The following MCHR2 variants were observed in gnomAD, a reference collection of about 807,000 sequenced individuals.
MCHR2 encodes melanin-concentrating hormone receptor 2.
Under a neutral mutation model 24.8 loss-of-function variants are expected in MCHR2, and 15 were observed. That is an observed-to-expected ratio of 0.60 (90% confidence interval 0.40 to 0.93). The LOEUF (loss-of-function observed/expected upper bound fraction) is 0.93, where lower values mean the gene tolerates loss of function less well. MCHR2 is among the 40% of genes least tolerant of loss of function. MCHR2 has a pLI of 0.00. For missense variants in MCHR2, 386 were observed against 408.7 expected, an observed-to-expected ratio of 0.94 and a Z score of 0.48; for synonymous variants, 151 against 147.6, an observed-to-expected ratio of 1.02 and a Z score of -0.17.
intron 1 of MCHR2, among the ~76,000 whole-genome samples, chr6:99,968,152 G>A (rs1775328976): frequency 6.6e-6 from 1 of 152,094 alleles, no homozygotes; most frequent in Non-Finnish European, 1.5e-5. Flanking sequence ...TTAGTTTACT[G>A]GGGGTATGGA....
intron 1 of MCHR2, among the ~76,000 whole-genome samples, chr6:99,976,309 A>C (rs1428367840): frequency 6.6e-6 from 1 of 152,208 alleles, no homozygotes; most frequent in Non-Finnish European, 1.5e-5. Context: ...CTATAGCCTT[A>C]GGAAACTATG....
chr6:99,947,615 A>G, intron 3 of MCHR2, 147 bp downstream of exon 3: 1 of 642,812 alleles, frequency 1.6e-6, no homozygotes, highest in Admixed American at 3.1e-5. Flanking sequence ...GTTGAACAAA[A>G]TATTCTTAAG....
At chr6:99,982,596 A>G (rs1388822376) in intron 1 of MCHR2, among the ~76,000 whole-genome samples, 1 of 150,902 alleles carries the variant, frequency 6.6e-6, no homozygotes, top group East Asian at 2.0e-4. Flanking sequence ...CTGAGATTGC[A>G]CCACTGTACC....
At chr6:99,931,167 G>A (rs907331784) in intron 5 of MCHR2, among the ~76,000 whole-genome samples, 4 of 152,128 alleles carry the variant, frequency 2.6e-5, no homozygotes, top group African/African-American at 7.2e-5. Flanking sequence ...CGTGAACCGC[G>A]AATGCTGCTG....
intron 1 of MCHR2, among the ~76,000 whole-genome samples, chr6:99,968,883 C>T (rs912321517): frequency 2.0e-5 from 3 of 151,914 alleles, no homozygotes; most frequent in African/African-American, 7.3e-5. Flanking sequence ...ATCTATGGGC[C>T]AGATAAGTCT....
chr6:99,972,918 T>C (rs1775460717), intron 1 of MCHR2, among the ~76,000 whole-genome samples: 1 of 152,238 alleles, frequency 6.6e-6, no homozygotes, highest in Non-Finnish European at 1.5e-5. Context: ...TGCACTGTGG[T>C]CTGTGAGACA....
intron 3 of MCHR2, among the ~76,000 whole-genome samples, chr6:99,945,527 C>T (rs933706812): frequency 1.3e-5 from 2 of 152,134 alleles, no homozygotes; most frequent in African/African-American, 4.8e-5. Context: ...TTATTGGAAA[C>T]ACTTGAAATG....
At chr6:99,930,431 T>A (rs1216974451) in intron 5 of MCHR2, among the ~76,000 whole-genome samples, 2 of 152,190 alleles carry the variant, frequency 1.3e-5, no homozygotes, top group African/African-American at 2.4e-5. Flanking sequence ...TCCTGCAGAG[T>A]GTTTTCCAAC....
intron 1 of MCHR2, among the ~76,000 whole-genome samples, chr6:99,989,167 A>G (rs557550626): frequency 6.6e-6 from 1 of 152,334 alleles, no homozygotes; most frequent in Admixed American, 6.5e-5. Context: ...CAGAAGGATC[A>G]TTTGAGCCCA....
At chr6:99,958,034 C>T (rs1775100402) in intron 1 of MCHR2, among the ~76,000 whole-genome samples, 1 of 151,856 alleles carries the variant, frequency 6.6e-6, no homozygotes, top group African/African-American at 2.4e-5. Flanking sequence ...TAAATAAACT[C>T]TTGAAAAAAG....
intron 5 of MCHR2, among the ~76,000 whole-genome samples, chr6:99,929,093 A>G (rs926713201): frequency 4.6e-5 from 7 of 151,882 alleles, no homozygotes; most frequent in South Asian, 2.1e-4. Flanking sequence ...ATTTCGTTAT[A>G]TACCCAGTAG....
chr6:99,920,702 G>T lies in MCHR2; in HGVS notation c.*238C>A. 1 of 487,732 alleles carries T rather than the reference G, an allele frequency of 2.1e-6. No individual in the cohort carries two copies. Among genetic ancestry groups the T allele is most frequent in the Non-Finnish European group, 3.7e-6 (1 of 270,094 alleles). The allele number at this position is 487,732 out of a possible 1,614,324, so 30.2% of individuals were successfully genotyped here. ...CTGAAATAATATACACCATCATGAAGCCTGGGTATCTCAGACTATCCCATT... is the reference window on the plus strand; with the variant it reads ...CTGAAATAATATACACCATCATGAATCCTGGGTATCTCAGACTATCCCATT... On this transcript the variant is annotated 3_prime_UTR_variant, in exon 6 of 6. Transcript: ENST00000281806.
chr6:99,950,108 C>T (rs1774939789), intron 2 of MCHR2, among the ~76,000 whole-genome samples: 1 of 151,982 alleles, frequency 6.6e-6, no homozygotes, highest in Non-Finnish European at 1.5e-5. Context: ...GGGAACAGTG[C>T]AGGCCATTAA....
chr6:99,935,253 C>T (rs1281771976), intron 4 of MCHR2, among the ~76,000 whole-genome samples: 1 of 152,034 alleles, frequency 6.6e-6, no homozygotes, highest in East Asian at 1.9e-4. Flanking sequence ...TTGAAATGTA[C>T]AATAGGATAT....
At chr6:99,941,855 T>G (rs1223767930) in intron 4 of MCHR2, among the ~76,000 whole-genome samples, 3 of 152,150 alleles carry the variant, frequency 2.0e-5, no homozygotes, top group Admixed American at 1.3e-4. Context: ...TTTTTTTTTT[T>G]TAACTGGATT....
rs976417215 is a variant in MCHR2 at position 99,940,417 on chromosome 6, A to AT, written c.587+2531dup. ...AGCAAGTGTATTTCTCAGTTCCAAG[A>AT]TTTTTTTTAATTTTTAAAATTATTT... On this transcript the variant is annotated intron_variant, in intron 4 of 5. Coordinates refer to ENST00000281806, the MANE Select transcript of MCHR2 (RefSeq NM_001040179.2). Among the ~76,000 whole-genome samples, 12 of 151,704 alleles carry AT rather than the reference A, an allele frequency of 7.9e-5. No homozygotes were observed. The East Asian group carries it at 1.7e-3, about 22-fold the overall frequency.
chr6:99,992,625 G>C (rs1026397040), intron 1 of MCHR2, among the ~76,000 whole-genome samples: 1 of 152,134 alleles, frequency 6.6e-6, no homozygotes, highest in Non-Finnish European at 1.5e-5. Flanking sequence ...TAATATTTCA[G>C]AAACATTCTG....
chr6:99,992,700 G>A (rs2114605252), intron 1 of MCHR2, among the ~76,000 whole-genome samples: 1 of 152,312 alleles, frequency 6.6e-6, no homozygotes, highest in Non-Finnish European at 1.5e-5. Context: ...TAATTGGAAT[G>A]CTTTGTGCAG....
chr6:99,937,846 T>C lies in MCHR2; in HGVS notation c.588-3329A>G, dbSNP rs111725580. Among the ~76,000 whole-genome samples the C allele has an allele frequency of 7.3e-3, 1,113 of 152,034 alleles. 6 individuals are homozygous for C. The highest frequency in any genetic ancestry group is 0.039 in the South Asian group (188 of 4,830). ...AGTCATCAGGTCCTGGACTTTCCTT[T>C]GATGAAAGACTTTTTGTTACAGCGT... is the stretch of plus-strand genomic sequence containing the variant. On this transcript the variant is annotated intron_variant, in intron 4 of 5. Transcript: ENST00000281806.
Sources: gnomAD v4.1 joint callset for allele counts (sites outside exome capture counted in the v4.1 genomes callset) on GRCh38, gnomAD v4.1.1 for gene constraint, MANE v1.5 for transcripts, NCBI Gene and HGNC (gene_info 2026-07-23, HGNC 2026-07-21) for gene names.